Variants in HAL observed in about 807,000 individuals in gnomAD.
HAL encodes histidase.
Under a neutral mutation model 81.1 loss-of-function variants are expected in HAL, and 85 were observed. That is an observed-to-expected ratio of 1.05 (90% CI 0.88 to 1.25). HAL has a LOEUF of 1.25. Ranked by LOEUF, HAL falls within the 50% of genes most tolerant of loss-of-function variation. The pLI is 0.00. For synonymous variants in HAL, 301 were observed against 309.2 expected, an observed-to-expected ratio of 0.97 and a Z score of 0.28; for missense variants, 798 against 836.6, an observed-to-expected ratio of 0.95 and a Z score of 0.57.
Position 95,996,172 on chromosome 12 carries a change from C to A in HAL, c.-176G>T. ...TCCACTTTCCATCCAGACCTGCTGC[C>A]AGAAAGGCCTGGGGTCTCCCACCCT... On this transcript the variant is annotated 5_prime_UTR_variant, in exon 1 of 21. Coordinates refer to ENST00000261208, the MANE Select transcript of HAL (RefSeq NM_002108.4). 2 of 491,628 alleles carry A rather than the reference C, an allele frequency of 4.1e-6. No homozygotes were observed. The highest frequency in any genetic ancestry group is 7.5e-6 in the Non-Finnish European group (2 of 266,150). 30.5% of individuals were successfully genotyped at this position (491,628 alleles called of 1,614,324 possible). A position where few individuals can be genotyped will look rare whatever the true frequency, so the allele number is the denominator to read the frequency against.
chr12:95,991,829 G>T (rs1949973927), intron 9 of HAL, among the ~76,000 whole-genome samples: 1 of 152,150 alleles, frequency 6.6e-6, no homozygotes, highest in Non-Finnish European at 1.5e-5. Context: ...ATAGGTGTTG[G>T]AATCACTACT....
intron 11 of HAL, among the ~76,000 whole-genome samples, chr12:95,987,456 A>G (rs886826229): frequency 6.6e-6 from 1 of 152,208 alleles, no homozygotes; most frequent in Non-Finnish European, 1.5e-5. Flanking sequence ...AAGTATCCAC[A>G]TTCCCAAAGC....
chr12:95,992,767 G>A lies in HAL; in HGVS notation c.628C>T (p.Leu210Phe). 1 of 1,612,446 alleles carries A rather than the reference G, an allele frequency of 6.2e-7. No individual in the cohort carries two copies. The highest frequency in any genetic ancestry group is 8.5e-7 in the Non-Finnish European group (1 of 1,178,464). The change falls in exon 9 of 21, where the codon CTC (leucine) becomes TTC (phenylalanine). Residue 210 changes from leucine (L) to phenylalanine (F), a missense_variant. By Grantham distance (22) the Leu-to-Phe change is conservative (BLOSUM62 0). Coordinates refer to ENST00000261208, the MANE Select transcript of HAL (RefSeq NM_002108.4). Reference sequence around the variant, plus strand: ...AAGACATTGATCCTTAAAGCCAAGAGCATCCGACACCTCTCAGGACTTAGT... The same window carrying A: ...AAGACATTGATCCTTAAAGCCAAGAACATCCGACACCTCTCAGGACTTAGT... ...KPLSPERCRM[L>F]LALRINVLAK...
chr12:95,993,125 T>A (rs1384232109), intron 8 of HAL, among the ~76,000 whole-genome samples: 1 of 152,202 alleles, frequency 6.6e-6, no homozygotes, highest in Admixed American at 6.5e-5. Flanking sequence ...TGATGGGTGC[T>A]GATTGGTGAC....
chr12:95,983,824 A>C (rs1273936799), intron 15 of HAL, 87 bp downstream of exon 15: 1 of 774,178 alleles, frequency 1.3e-6, no homozygotes, highest in African/African-American at 1.7e-5. Context: ...TGGAACTGAG[A>C]AGCTACACAA....
intron 5 of HAL, 37 bp from the exon 6 acceptor site, chr12:95,994,035 A>C: frequency 1.3e-6 from 2 of 1,596,454 alleles, no homozygotes; most frequent in Non-Finnish European, 1.7e-6. Flanking sequence ...CACGTTAAAG[A>C]CTTCCACGGG....
rs368596267 is a variant in HAL at position 95,985,517 on chromosome 12, G to A, written c.1206+391C>T. Reference sequence around the variant, plus strand: ...AGGCAGGAGAATCACTTGAACCTGGGAGGTGAAGATTGTAGTGAACAGAGA... The same window carrying A: ...AGGCAGGAGAATCACTTGAACCTGGAAGGTGAAGATTGTAGTGAACAGAGA... On this transcript the variant is annotated intron_variant, in intron 14 of 20. Coordinates refer to ENST00000261208, the MANE Select transcript of HAL (RefSeq NM_002108.4). 1.4e-4 allele frequency among the ~76,000 whole-genome samples: 22 copies of A among 151,842 alleles called. 1 individual carries two copies. In the East Asian group the frequency reaches 3.5e-3, roughly 24 times the overall value.
intron 9 of HAL, among the ~76,000 whole-genome samples, chr12:95,991,748 G>A (rs569787134): frequency 6.6e-6 from 1 of 152,306 alleles, no homozygotes; most frequent in South Asian, 2.1e-4. Context: ...GTACAGGTGG[G>A]TTTAAGGTTG....
chr12:95,977,809 C>T (rs1328332452), intron 18 of HAL, 135 bp downstream of exon 18: 7 of 893,772 alleles, frequency 7.8e-6, no homozygotes, highest in Non-Finnish European at 1.1e-5. Context: ...AGCCAGCCTG[C>T]AAGGAGGCCT....
In HAL at chr12:95,994,815, A is replaced by T. The variant is rs1267909745; in HGVS notation, c.319T>A (p.Tyr107Asn). The change falls in exon 4 of 21, where the codon TAC (tyrosine) becomes AAC (asparagine). Residue 107 changes from tyrosine to asparagine, a missense_variant. By Grantham distance (143) the Tyr-to-Asn change is moderately radical. Transcript: ENST00000261208. ...QPEGVYLYSK[Y>N]REPEKYIELD... ...AAGCTTACCTTTTCAGGCTCCCGGT[A>T]CTTGCTGTATCTGTATCCAGGTAAA... 1.2e-6 allele frequency: 2 copies of T among 1,614,118 alleles called. No homozygotes were observed. The highest frequency in any genetic ancestry group is 3.3e-5 in the Admixed American group (2 of 60,020).
Position 95,995,838 on chromosome 12 carries a change from C to T in HAL, c.73G>A (p.Gly25Ser). 1 of 1,611,394 alleles carries T rather than the reference C, an allele frequency of 6.2e-7. No individual in the cohort carries two copies. The highest frequency in any genetic ancestry group is 2.2e-5 in the East Asian group (1 of 44,874). The change falls in exon 2 of 21, where the codon GGC becomes AGC. Residue 25 changes from glycine (G) to serine (S), a missense_variant. Physicochemically the swap from Gly to Ser is moderately conservative, Grantham distance 56. Transcript: ENST00000261208. ...VPCQDAQLTVGWLGREAVRRY... is the reference protein window; with the variant it reads ...VPCQDAQLTVSWLGREAVRRY... Reference sequence around the variant, plus strand: ...CTCACGGCCTCCCGGCCCAGCCAGCCCACAGTGAGCTGCGCGTCCTGGCAG... The same window carrying T: ...CTCACGGCCTCCCGGCCCAGCCAGCTCACAGTGAGCTGCGCGTCCTGGCAG...
Position 95,990,434 on chromosome 12 carries a change from T to C in HAL, c.814A>G (p.Lys272Glu), listed in dbSNP as rs368076455. 3.7e-6 allele frequency: 6 copies of C among 1,613,294 alleles called. No homozygotes were observed. The highest frequency in any genetic ancestry group is 5.1e-6 in the Non-Finnish European group (6 of 1,179,216). Residue 272 changes from lysine to glutamate, a missense_variant, in exon 10 of 21, where the codon AAG becomes GAG. Coordinates refer to ENST00000261208, the MANE Select transcript of HAL (RefSeq NM_002108.4). The part of the protein sequence containing the change: ...HLALGLVGEG[K>E]MWSPKSGWAD... ...CAGCCACTCTTCGGAGACCACATCT[T>C]CCCTTCTCCAACTAGCCCAAGAGCA...
In HAL at chr12:95,973,338, G is replaced by C. The variant is rs896588121; in HGVS notation, c.*894C>G. On this transcript the variant is annotated 3_prime_UTR_variant, in exon 21 of 21. Coordinates refer to ENST00000261208, the MANE Select transcript of HAL (RefSeq NM_002108.4). ...AATAGATGCAGTAATACACTCTAGG[G>C]CTCCATCTGACCTTTATCAATAGGA... is the stretch of plus-strand genomic sequence containing the variant. The C allele has an allele frequency of 1.3e-5, 2 of 152,092 alleles. No individual in the cohort carries two copies. Among genetic ancestry groups the C allele is most frequent in the African/African-American group, 4.8e-5 (2 of 41,398 alleles). The allele number at this position is 152,092 out of a possible 1,614,324, so 9.4% of individuals were successfully genotyped here.
chr12:95,988,027 T>A (rs1949917221), intron 11 of HAL, among the ~76,000 whole-genome samples, 166 bp downstream of exon 11: 1 of 152,202 alleles, frequency 6.6e-6, no homozygotes, highest in African/African-American at 2.4e-5. Context: ...ATGCCTGGCA[T>A]AAAGAATCTT....
intron 10 of HAL, chr12:95,989,457 G>A (rs1029815620): frequency 6.6e-6 from 1 of 152,280 alleles, no homozygotes; most frequent in Non-Finnish European, 1.5e-5. Flanking sequence ...AAATAGGAGA[G>A]AGAAGAACGT....
At chr12:95,982,859 C>T (rs934858903) in intron 15 of HAL, among the ~76,000 whole-genome samples, 1 of 152,146 alleles carries the variant, frequency 6.6e-6, no homozygotes, top group Non-Finnish European at 1.5e-5. Context: ...GTTTGATTAT[C>T]TTCAGAGGCA....
chr12:95,974,488 C>T lies in HAL; in HGVS notation c.1834-116G>A, dbSNP rs775724951. 1.8e-5 allele frequency: 16 copies of T among 906,296 alleles called. No individual in the cohort carries two copies. In the Admixed American group the frequency reaches 2.3e-4, roughly 13 times the overall value. 56.1% of individuals were successfully genotyped at this position (906,296 alleles called of 1,614,324 possible). ...CTCTATACATGACCAGACACAGCTG[C>T]TGTTTGCTTGCTTTTATTTTAAGCC... On this transcript the variant is annotated intron_variant, in intron 20 of 20. Transcript: ENST00000261208.
At chr12:95,987,262 C>T (rs776281538) in intron 11 of HAL, 48 bp from the exon 12 acceptor site, 32 of 1,492,350 alleles carry the variant, frequency 2.1e-5, no homozygotes, top group Admixed American at 5.0e-5. Context: ...TTGTAACGAA[C>T]CTACATACCC....
intron 15 of HAL, among the ~76,000 whole-genome samples, chr12:95,981,365 T>A (rs2080793460): frequency 6.6e-6 from 1 of 152,224 alleles, no homozygotes; most frequent in Non-Finnish European, 1.5e-5. Flanking sequence ...CTCAGTAATC[T>A]GGTGTCAGCG....
Sources: allele counts gnomAD v4.1 joint callset (sites outside exome capture counted in the v4.1 genomes callset), GRCh38; gene constraint gnomAD v4.1.1; transcripts MANE v1.5; gene names NCBI Gene and HGNC (gene_info 2026-07-23, HGNC 2026-07-21).